PGM5: variants seen among roughly 807,000 people sequenced by gnomAD.
PGM5 encodes phosphoglucomutase 5, also known as phosphoglucomutase-like protein 5.
PGM5 carries 23 observed loss-of-function variants against 59.2 expected under a neutral mutation model. That is an observed-to-expected ratio of 0.39 (90% CI 0.28 to 0.55). The LOEUF (loss-of-function observed/expected upper bound fraction) is 0.55. PGM5 is among the 20% of genes least tolerant of loss of function. The pLI is 0.66. For synonymous variants in PGM5, 214 were observed against 286.0 expected (o/e 0.75, Z 2.54); for missense variants, 574 against 748.3 (o/e 0.77, Z 2.72).
chr9:68,408,086 G>A (rs1167081135), intron 6 of PGM5, among the ~76,000 whole-genome samples: 1 of 152,248 alleles, frequency 6.6e-6, no homozygotes, highest in Non-Finnish European at 1.5e-5. Flanking sequence ...GACTTGGGAA[G>A]TGAAAGGTGG....
At chr9:68,445,925 G>A (rs192519270) in intron 6 of PGM5, among the ~76,000 whole-genome samples, 33 of 152,232 alleles carry the variant, frequency 2.2e-4, no homozygotes, top group African/African-American at 3.6e-4. Context: ...AATCAGTTTC[G>A]CATCAAGGTG....
chr9:68,458,719 A>C (rs1554685142), intron 6 of PGM5, among the ~76,000 whole-genome samples: 1 of 152,214 alleles, frequency 6.6e-6, no homozygotes, highest in African/African-American at 2.4e-5. Context: ...TAAAATTTAT[A>C]TATATGGTTG....
chr9:68,470,911 C>G (rs1041723005), intron 7 of PGM5, among the ~76,000 whole-genome samples: 2 of 152,182 alleles, frequency 1.3e-5, no homozygotes, highest in South Asian at 4.1e-4. Flanking sequence ...GATTGACACC[C>G]CCGTGAGCCT....
chr9:68,499,558 G>A (rs139081619), intron 10 of PGM5, among the ~76,000 whole-genome samples, 197 bp downstream of exon 10: 217 of 152,280 alleles, frequency 1.4e-3, no homozygotes, highest in Non-Finnish European at 2.5e-3. Context: ...TTGCTCTCTC[G>A]CATCTATTTG....
At chr9:68,409,938 T>A (rs114965797) in intron 6 of PGM5, among the ~76,000 whole-genome samples, 5,203 of 151,794 alleles carry the variant, frequency 0.034, 114 homozygotes, top group Non-Finnish European at 0.048. Context: ...ACATCTGACT[T>A]CGCCATTGAT....
chr9:68,473,787 C>A lies in PGM5; in HGVS notation c.1160-5631C>A, dbSNP rs150548625. 1.7e-3 allele frequency among the ~76,000 whole-genome samples: 266 copies of A among 152,124 alleles called. 1 individual carries two copies. Among genetic ancestry groups the A allele is most frequent in the Non-Finnish European group, 3.3e-3 (226 of 68,008 alleles). ...AAAAGTGGGAAAATCCCATGCAAAC[C>A]AGGATAAGTTGGTCACTCCAAAGCT... On this transcript the variant is annotated intron_variant, in intron 7 of 10. Transcript: ENST00000396396.
intron 6 of PGM5, among the ~76,000 whole-genome samples, chr9:68,410,158 A>G (rs1393886604): frequency 6.6e-6 from 1 of 152,246 alleles, no homozygotes; most frequent in African/African-American, 2.4e-5. Flanking sequence ...ATGAAGAAGA[A>G]GGGCAAAGGA....
At chr9:68,441,921 C>A (rs1823534814) in intron 6 of PGM5, among the ~76,000 whole-genome samples, 1 of 152,052 alleles carries the variant, frequency 6.6e-6, no homozygotes, top group African/African-American at 2.4e-5. Context: ...TTTTTATATA[C>A]TATCAGTGTT....
At position 68,467,808 on chromosome 9, in the gene PGM5, T is replaced by G. The variant is rs184333013; in HGVS notation, c.1159+2600T>G. ...CTTTCTAATTTGCTTAATGTTTATA[T>G]GAAGAGAAGCTATTGATTAATATGC... is the stretch of plus-strand genomic sequence containing the variant. On this transcript the variant is annotated intron_variant, in intron 7 of 10. Transcript: ENST00000396396. Among the ~76,000 whole-genome samples the G allele has an allele frequency of 2.9e-3, 441 of 152,142 alleles. 3 individuals are homozygous for G. Among genetic ancestry groups the G allele is most frequent in the Admixed American group, 7.8e-3 (119 of 15,284 alleles).
chr9:68,458,632 G>C (rs1177463300), intron 6 of PGM5, among the ~76,000 whole-genome samples: 1 of 152,086 alleles, frequency 6.6e-6, no homozygotes, highest in African/African-American at 2.4e-5. Context: ...GGCAAGGCAG[G>C]GGTTATTTAA....
rs375546216 is a variant in PGM5, at chr9:68,450,705, T to C, written c.1044-14388T>C. 3.7e-4 allele frequency among the ~76,000 whole-genome samples: 56 copies of C among 152,336 alleles called. 1 individual carries two copies. In the South Asian group the frequency reaches 7.9e-3, roughly 21 times the overall value. The stretch of plus-strand genomic sequence containing the variant: ...TCATATTTCATCCAGCTAGAAAATA[T>C]GTTATAAGTGAAGGATCATTTCTCT... On this transcript the variant is annotated intron_variant, in intron 6 of 10. Transcript: ENST00000396396.
intron 1 of PGM5, among the ~76,000 whole-genome samples, chr9:68,376,787 T>G: frequency 9.7e-6 from 1 of 103,092 alleles, no homozygotes; most frequent in African/African-American, 4.1e-5. Flanking sequence ...CTTTCTTTCT[T>G]TCTTTCTTTC....
At position 68,357,182 on chromosome 9, in the gene PGM5, C is replaced by A; in HGVS notation, c.55C>A (p.Gln19Lys). The stretch of plus-strand genomic sequence containing the variant: ...AGTGCCCACCGCGCCCTACGAGGAC[C>A]AGCGGCCGGCCGGCGGCGGGGGTCT... ...LTVPTAPYED[Q>K]RPAGGGGLRR... The change falls in exon 1 of 11, where the codon CAG becomes AAG. Residue 19 changes from glutamine (Q) to lysine (K), a missense_variant. Physicochemically the swap from Gln to Lys is moderately conservative, Grantham distance 53. Coordinates refer to ENST00000396396, the MANE Select transcript of PGM5 (RefSeq NM_021965.4). 6.5e-7 allele frequency: 1 copy of A among 1,538,894 alleles called. No homozygotes were observed. Among genetic ancestry groups the A allele is most frequent in the Non-Finnish European group, 8.7e-7 (1 of 1,145,674 alleles).
At chr9:68,394,952 T>C (rs1225609504) in intron 6 of PGM5, among the ~76,000 whole-genome samples, 1 of 152,180 alleles carries the variant, frequency 6.6e-6, no homozygotes, top group Admixed American at 6.6e-5. Flanking sequence ...TATCTTTTAA[T>C]GGGCAGAAGT....
intron 6 of PGM5, among the ~76,000 whole-genome samples, chr9:68,395,238 C>A (rs1251852164): frequency 1.1e-4 from 17 of 152,078 alleles, no homozygotes; most frequent in African/African-American, 4.1e-4. Flanking sequence ...AAAGAATTTT[C>A]TTTCCCCTGA....
At chr9:68,478,621 C>T (rs1286149936) in intron 7 of PGM5, among the ~76,000 whole-genome samples, 1 of 152,238 alleles carries the variant, frequency 6.6e-6, no homozygotes, top group Non-Finnish European at 1.5e-5. Context: ...CCCCTTGCCT[C>T]TTTCAGTTTC....
At chr9:68,431,058 G>T (rs938610023) in intron 6 of PGM5, among the ~76,000 whole-genome samples, 9 of 152,092 alleles carry the variant, frequency 5.9e-5, no homozygotes, top group Non-Finnish European at 8.8e-5. Flanking sequence ...AAGTTTCAGG[G>T]CAGTGTAACA....
chr9:68,422,586 C>T (rs989183018), intron 6 of PGM5, among the ~76,000 whole-genome samples: 2 of 151,950 alleles, frequency 1.3e-5, no homozygotes, highest in South Asian at 2.1e-4. Context: ...GCCACCTAGC[C>T]GGGCCCGGTG....
chr9:68,392,551 T>A, intron 6 of PGM5, 78 bp downstream of exon 6: 1 of 1,578,680 alleles, frequency 6.3e-7, no homozygotes, highest in Non-Finnish European at 8.6e-7. Flanking sequence ...TGCTGGCGCT[T>A]ATTCTCCCCT....
Sources: allele counts gnomAD v4.1 joint callset (sites outside exome capture counted in the v4.1 genomes callset), GRCh38; gene constraint gnomAD v4.1.1; transcripts MANE v1.5; gene names NCBI Gene and HGNC (gene_info 2026-07-23, HGNC 2026-07-21).